Variants in EXOC6 observed in about 807,000 individuals in gnomAD.
EXOC6 encodes the protein exocyst complex component 6.
In EXOC6, 60 loss-of-function variants were observed where a neutral mutation model predicts 112.5. That is an observed-to-expected ratio of 0.53 (90% CI 0.43 to 0.66). The LOEUF (loss-of-function observed/expected upper bound fraction) is 0.66. Ranked by LOEUF, EXOC6 falls within the 30% of genes least tolerant of loss-of-function variation. EXOC6 has a pLI of 0.00. For synonymous variants in EXOC6, 295 were observed against 308.0 expected (o/e 0.96, Z 0.44); for missense variants, 855 against 957.1 (o/e 0.89, Z 1.41).
At chr10:92,996,568 G>A (rs1402232586) in intron 18 of EXOC6, among the ~76,000 whole-genome samples, 1 of 148,814 alleles carries the variant, frequency 6.7e-6, no homozygotes, top group Non-Finnish European at 1.5e-5. Flanking sequence ...AGTGAGCCGA[G>A]ATTGCGCCAG....
intron 17 of EXOC6, among the ~76,000 whole-genome samples, chr10:92,962,612 C>T (rs910686075): frequency 2.0e-5 from 3 of 152,054 alleles, no homozygotes; most frequent in Admixed American, 6.6e-5. Flanking sequence ...AGGCTGGTCT[C>T]GAACTCCTGG....
At chr10:92,855,219 G>GA (rs1026105224) in intron 1 of EXOC6, among the ~76,000 whole-genome samples, 10 of 151,060 alleles carry the variant, frequency 6.6e-5, no homozygotes, top group African/African-American at 2.5e-4. Flanking sequence ...TGCCTGGCAT[G>GA]AAAATTTTTT....
intron 1 of EXOC6, among the ~76,000 whole-genome samples, chr10:92,884,665 A>G (rs945006500): frequency 6.6e-6 from 1 of 152,232 alleles, no homozygotes; most frequent in Non-Finnish European, 1.5e-5. Flanking sequence ...CAAAGTGTAG[A>G]CATTATTTTA....
At chr10:92,939,672 A>G (rs1352577950) in intron 12 of EXOC6, among the ~76,000 whole-genome samples, 1 of 152,116 alleles carries the variant, frequency 6.6e-6, no homozygotes, top group Non-Finnish European at 1.5e-5. Flanking sequence ...GGTTGAAATC[A>G]TTAGACTTGA....
chr10:92,894,387 A>T (rs895803396), intron 2 of EXOC6, among the ~76,000 whole-genome samples: 1 of 152,204 alleles, frequency 6.6e-6, no homozygotes, highest in Non-Finnish European at 1.5e-5. Context: ...CAGTGTTTGC[A>T]TTCAGCAAAG....
Position 92,997,526 on chromosome 10 carries a change from C to T in EXOC6, c.2006C>T (p.Ser669Phe). 1.2e-6 allele frequency: 2 copies of T among 1,612,978 alleles called. No individual in the cohort carries two copies. Among genetic ancestry groups the T allele is most frequent in the Non-Finnish European group, 1.7e-6 (2 of 1,179,246 alleles). ...TCAGCCTGCCAGCATCTGTCAACAT[C>T]CTTAATGCAGATGCTACTGGACAGT... is the stretch of plus-strand genomic sequence containing the variant. ...CMSACQHLST[S>F]LMQMLLDSEL... The change falls in exon 19 of 22, where the codon TCC (serine) becomes TTC (phenylalanine). Residue 669 changes from serine (S) to phenylalanine (F), a missense_variant. This residue lies in a region of EXOC6 where 450 missense variants were observed against 563.5 expected (regional missense o/e 0.80). Transcript: ENST00000260762.
chr10:92,955,494 TG>T, intron 16 of EXOC6, 85 bp from the exon 17 acceptor site: 1 of 1,075,868 alleles, frequency 9.3e-7, no homozygotes, highest in African/African-American at 1.6e-5. Flanking sequence ...GTACAGTTGC[TG>T]GAAGTAATAA....
chr10:92,909,331 G>C, intron 5 of EXOC6, 96 bp from the exon 6 acceptor site: 1 of 805,598 alleles, frequency 1.2e-6, no homozygotes, highest in Non-Finnish European at 1.9e-6. Flanking sequence ...GGTCCTTTTT[G>C]ATGAATAATC....
chr10:92,921,769 C>T (rs531244988), intron 8 of EXOC6, among the ~76,000 whole-genome samples: 20 of 151,822 alleles, frequency 1.3e-4, no homozygotes, highest in African/African-American at 4.6e-4. Flanking sequence ...CCACTTGAGC[C>T]TCCCAAGTAC....
chr10:92,913,699 C>A (rs1850927431), intron 6 of EXOC6, among the ~76,000 whole-genome samples: 1 of 152,182 alleles, frequency 6.6e-6, no homozygotes, highest in Non-Finnish European at 1.5e-5. Context: ...AGTGTGTATA[C>A]CATTGTACTT....
intron 18 of EXOC6, among the ~76,000 whole-genome samples, chr10:92,975,798 T>G (rs1449357077): frequency 3.1e-5 from 3 of 97,302 alleles, no homozygotes; most frequent in Admixed American, 1.1e-4. Context: ...GGTGGGGGGG[T>G]CAGCCCCCGC....
At chr10:92,854,681 T>C (rs116661871) in intron 1 of EXOC6, among the ~76,000 whole-genome samples, 1,955 of 152,336 alleles carry the variant, frequency 0.013, 46 homozygotes, top group African/African-American at 0.044. Context: ...AAACCAACTT[T>C]GTATTCATGG....
intron 5 of EXOC6, 70 bp from the exon 6 acceptor site, chr10:92,909,357 A>G: frequency 6.2e-6 from 7 of 1,135,436 alleles, no homozygotes; most frequent in South Asian, 1.5e-5. Flanking sequence ...AAAACTGATT[A>G]TTTAGATTTA....
chr10:92,902,869 G>A (rs1182345824), intron 5 of EXOC6, among the ~76,000 whole-genome samples: 4 of 151,966 alleles, frequency 2.6e-5, no homozygotes, highest in Admixed American at 6.6e-5. Flanking sequence ...CTTCACTCCC[G>A]ATAATGTTTT....
At chr10:92,950,631 A>G (rs974439167) in intron 14 of EXOC6, among the ~76,000 whole-genome samples, 2 of 152,200 alleles carry the variant, frequency 1.3e-5, no homozygotes, top group Non-Finnish European at 2.9e-5. Context: ...ATAAAGGTCA[A>G]AGTAGATGAA....
At chr10:92,920,846 C>T (rs2133910075) in intron 8 of EXOC6, among the ~76,000 whole-genome samples, 1 of 151,974 alleles carries the variant, frequency 6.6e-6, no homozygotes, top group East Asian at 1.9e-4. Context: ...CATAAAATAT[C>T]TTTCTTCATA....
At chr10:92,828,790 G>A (rs529023105) in intron 1 of EXOC6, among the ~76,000 whole-genome samples, 170 of 150,908 alleles carry the variant, frequency 1.1e-3, no homozygotes, top group African/African-American at 4.0e-3. Flanking sequence ...AAGGATAGGA[G>A]GGAAAACTCC....
intron 4 of EXOC6, among the ~76,000 whole-genome samples, chr10:92,896,585 G>GTAT (rs71842913): frequency 1.2e-3 from 184 of 150,746 alleles, no homozygotes; most frequent in African/African-American, 4.1e-3. Flanking sequence ...AAAAATTGTA[G>GTAT]TATTATTATT....
At chr10:92,977,141 G>T (rs1842654314) in intron 18 of EXOC6, among the ~76,000 whole-genome samples, 1 of 152,120 alleles carries the variant, frequency 6.6e-6, no homozygotes, top group South Asian at 2.1e-4. Flanking sequence ...TCTTGGAGAT[G>T]ACCTTGAGCA....
Sources: allele counts gnomAD v4.1 joint callset (sites outside exome capture counted in the v4.1 genomes callset), GRCh38; gene constraint gnomAD v4.1.1; regional missense constraint gnomAD v4.1.1; transcripts MANE v1.5; gene names NCBI Gene and HGNC (gene_info 2026-07-23, HGNC 2026-07-21).